EPN2: variants seen among roughly 807,000 people sequenced by gnomAD.
EPN2 encodes the protein epsin 2, also known as epsin-2.
EPN2 carries 34 observed loss-of-function variants against 61.7 expected under a neutral mutation model. That is an observed-to-expected ratio of 0.55 (90% confidence interval 0.42 to 0.73). EPN2 has a LOEUF of 0.73. EPN2 is among the 30% of genes least tolerant of loss of function. The pLI is 0.00. For synonymous variants in EPN2, 349 were observed against 353.6 expected (o/e 0.99, Z 0.15); for missense variants, 714 against 839.2 (o/e 0.85, Z 1.84).
chr17:19,276,360 A>ATTTTTTTTTTTTTTTTT (rs140536354), intron 1 of EPN2: 1 of 79,920 alleles, frequency 1.3e-5, no homozygotes, highest in African/African-American at 5.2e-5. Flanking sequence ...GCTAATTAAA[A>ATTTTTTTTTTTTTTTTT]TTTTTTTTTT....
intron 9 of EPN2, 65 bp from the exon 10 acceptor site, chr17:19,331,788 T>A: frequency 1.4e-6 from 2 of 1,414,832 alleles, no homozygotes. Flanking sequence ...ATGTTTTGTG[T>A]TAAGTACACA....
At chr17:19,304,254 C>G (rs771429789) in intron 4 of EPN2, among the ~76,000 whole-genome samples, 42 of 152,276 alleles carry the variant, frequency 2.8e-4, no homozygotes, top group Non-Finnish European at 4.9e-4. Context: ...GTGGCAGGAA[C>G]GTCCTCAGTA....
At chr17:19,299,382 C>T (rs929194312) in intron 4 of EPN2, among the ~76,000 whole-genome samples, 36 of 152,244 alleles carry the variant, frequency 2.4e-4, no homozygotes, top group African/African-American at 8.2e-4. Flanking sequence ...CCCTGGCTTA[C>T]GCCTGGAGAG....
chr17:19,324,284 A>G (rs1042383827), intron 7 of EPN2, among the ~76,000 whole-genome samples: 3 of 152,252 alleles, frequency 2.0e-5, no homozygotes, highest in African/African-American at 4.8e-5. Context: ...ACACTTCTAA[A>G]TTCTTGAGTC....
intron 1 of EPN2, among the ~76,000 whole-genome samples, chr17:19,254,503 C>T (rs115151516): frequency 1.2e-3 from 184 of 152,036 alleles, no homozygotes; most frequent in African/African-American, 4.2e-3. Context: ...ATCGCACCAC[C>T]GCACTCCATC....
chr17:19,259,998 T>C (rs1436065560), intron 1 of EPN2, among the ~76,000 whole-genome samples: 1 of 152,248 alleles, frequency 6.6e-6, no homozygotes, highest in African/African-American at 2.4e-5. Context: ...TCTGCTGTCC[T>C]GTGCCCTTTA....
chr17:19,275,093 A>C (rs2045292977), intron 1 of EPN2, among the ~76,000 whole-genome samples: 1 of 152,144 alleles, frequency 6.6e-6, no homozygotes, highest in East Asian at 1.9e-4. Context: ...CTTCACAGGG[A>C]GTGCCGAGCC....
intron 1 of EPN2, among the ~76,000 whole-genome samples, chr17:19,251,971 T>G (rs1173536975): frequency 6.6e-6 from 1 of 152,150 alleles, no homozygotes; most frequent in Non-Finnish European, 1.5e-5. Flanking sequence ...TATATAATAT[T>G]TTAAATAAGT....
At chr17:19,331,603 T>C (rs901208020) in intron 9 of EPN2, among the ~76,000 whole-genome samples, 2 of 152,074 alleles carry the variant, frequency 1.3e-5, no homozygotes, top group Non-Finnish European at 2.9e-5. Flanking sequence ...CTATACACAC[T>C]CTTTTATAAC....
intron 4 of EPN2, among the ~76,000 whole-genome samples, chr17:19,295,375 C>CGCGCGT (rs1555600611): frequency 6.6e-6 from 1 of 151,074 alleles, no homozygotes; most frequent in Non-Finnish European, 1.5e-5. Flanking sequence ...CACGCGCGTG[C>CGCGCGT]GCGCAAAATA....
intron 1 of EPN2, among the ~76,000 whole-genome samples, chr17:19,277,111 C>A (rs1282915543): frequency 6.6e-6 from 1 of 152,032 alleles, no homozygotes; most frequent in Non-Finnish European, 1.5e-5. Flanking sequence ...CTAGAAATAA[C>A]AGAATGTGCC....
intron 4 of EPN2, chr17:19,308,703 G>A (rs1192545752): frequency 1.0e-6 from 1 of 983,774 alleles, no homozygotes; most frequent in Non-Finnish European, 1.2e-6. Flanking sequence ...CTCTCAGAGG[G>A]CAGGTCTTGT....
intron 1 of EPN2, among the ~76,000 whole-genome samples, chr17:19,272,167 C>CT (rs1437937390): frequency 3.9e-5 from 6 of 152,352 alleles, no homozygotes; most frequent in Non-Finnish European, 7.3e-5. Context: ...CACCCAGTCT[C>CT]TGGTTGGCTT....
intron 6 of EPN2, 24 bp downstream of exon 6, chr17:19,312,168 A>G (rs761333341): frequency 1.3e-6 from 2 of 1,550,562 alleles, no homozygotes; most frequent in African/African-American, 2.7e-5. Flanking sequence ...GGGAGGGTAG[A>G]TGTTTCACCC....
At chr17:19,267,739 C>T (rs770872123) in intron 1 of EPN2, among the ~76,000 whole-genome samples, 1 of 152,066 alleles carries the variant, frequency 6.6e-6, no homozygotes, top group African/African-American at 2.4e-5. Context: ...GATGGGGTTT[C>T]ACCATGTTGG....
At chr17:19,239,930 C>T (rs973632204) in intron 1 of EPN2, among the ~76,000 whole-genome samples, 2 of 152,018 alleles carry the variant, frequency 1.3e-5, no homozygotes, top group African/African-American at 4.8e-5. Flanking sequence ...GGAGGATTTC[C>T]CAAGAATTGG....
chr17:19,277,473 A>C (rs1392362912), intron 1 of EPN2, among the ~76,000 whole-genome samples: 1 of 150,736 alleles, frequency 6.6e-6, no homozygotes, highest in Non-Finnish European at 1.5e-5. Flanking sequence ...TGGAGCTTGG[A>C]GCTTGCTCTT....
chr17:19,295,382 A>T (rs1044824416), intron 4 of EPN2, among the ~76,000 whole-genome samples: 3 of 87,224 alleles, frequency 3.4e-5, no homozygotes, highest in African/African-American at 9.5e-5. Flanking sequence ...GTGCGCGCAA[A>T]ATAGCCAGGT....
chr17:19,271,634 A>G (rs2045255161), intron 1 of EPN2: 1 of 152,148 alleles, frequency 6.6e-6, no homozygotes, highest in Non-Finnish European at 1.5e-5. Flanking sequence ...CCTGCAAGTA[A>G]CTCCCTCAGA....
Sources: gnomAD v4.1 joint callset for allele counts (sites outside exome capture counted in the v4.1 genomes callset) on GRCh38, gnomAD v4.1.1 for gene constraint, MANE v1.5 for transcripts, NCBI Gene and HGNC (gene_info 2026-07-23, HGNC 2026-07-21) for gene names.